CADM2: variants seen among roughly 807,000 people sequenced by gnomAD.
CADM2 encodes the protein immunoglobulin superfamily member 4D.
In CADM2, 12 loss-of-function variants were observed where a neutral mutation model predicts 49.8. The observed-to-expected ratio is 0.24, with a 90% CI of 0.15 to 0.39. The LOEUF is 0.39. CADM2 is among the 10% of genes least tolerant of loss of function. The pLI is 1.00. For missense variants in CADM2, 378 were observed against 492.3 expected, an observed-to-expected ratio of 0.77 and a Z score of 2.20; for synonymous variants, 214 against 175.4, an observed-to-expected ratio of 1.22 and a Z score of -1.74.
chr3:85,728,646 G>T (rs1436889877), intron 2 of CADM2, among the ~76,000 whole-genome samples: 2 of 152,012 alleles, frequency 1.3e-5, no homozygotes, highest in African/African-American at 4.8e-5. Flanking sequence ...TACTTACCAG[G>T]GAACCGAGAG....
At chr3:85,810,527 A>G (rs1278836780) in intron 3 of CADM2, among the ~76,000 whole-genome samples, 1 of 135,218 alleles carries the variant, frequency 7.4e-6, no homozygotes, top group Non-Finnish European at 1.6e-5. Flanking sequence ...TGCTCATAGA[A>G]TTCTGTTTTT....
At chr3:85,757,311 T>C (rs2069167792) in intron 2 of CADM2, among the ~76,000 whole-genome samples, 2 of 152,112 alleles carry the variant, frequency 1.3e-5, no homozygotes, top group African/African-American at 2.4e-5. Flanking sequence ...AATATTTTAA[T>C]TGAACACCTA....
chr3:86,033,343 T>C (rs2107168954), intron 8 of CADM2, among the ~76,000 whole-genome samples: 1 of 152,078 alleles, frequency 6.6e-6, no homozygotes, highest in Middle Eastern at 3.4e-3. Context: ...AAAGTCCTGT[T>C]GTAAGAGAAA....
At chr3:85,199,370 T>TGTGTGTGTGTGAGAGA (rs1553694531) in intron 1 of CADM2, among the ~76,000 whole-genome samples, 1 of 140,106 alleles carries the variant, frequency 7.1e-6, no homozygotes, top group African/African-American at 2.8e-5. Flanking sequence ...TGTGTGTGTA[T>TGTGTGTGTGTGAGAGA]GAGAGAGAGA....
intron 6 of CADM2, among the ~76,000 whole-genome samples, chr3:85,935,122 T>C (rs1239540166): frequency 6.6e-6 from 1 of 152,136 alleles, no homozygotes; most frequent in African/African-American, 2.4e-5. Context: ...GGATGATTTA[T>C]TGTTAAATGG....
intron 1 of CADM2, among the ~76,000 whole-genome samples, chr3:85,599,753 A>T (rs992801141): frequency 6.6e-6 from 1 of 152,128 alleles, no homozygotes; most frequent in South Asian, 2.1e-4. Context: ...TCTAGTAAAA[A>T]TAAATGTTCT....
intron 5 of CADM2, among the ~76,000 whole-genome samples, chr3:85,904,747 C>A (rs553193147): frequency 1.3e-5 from 2 of 152,200 alleles, no homozygotes; most frequent in African/African-American, 4.8e-5. Flanking sequence ...CATACTCATA[C>A]GTTTTCACGA....
intron 8 of CADM2, among the ~76,000 whole-genome samples, chr3:86,061,503 C>A (rs540807626): frequency 3.3e-5 from 5 of 152,238 alleles, no homozygotes; most frequent in African/African-American, 1.2e-4. Context: ...AGCCTCAAAT[C>A]ATAGACCACA....
intron 1 of CADM2, among the ~76,000 whole-genome samples, chr3:85,194,038 C>A (rs1198869672): frequency 2.0e-5 from 3 of 151,870 alleles, no homozygotes. Flanking sequence ...GGGATTTTAC[C>A]CAGGCAGGGA....
At chr3:85,451,324 A>G (rs2037737726) in intron 1 of CADM2, among the ~76,000 whole-genome samples, 1 of 152,144 alleles carries the variant, frequency 6.6e-6, no homozygotes, top group South Asian at 2.1e-4. Context: ...AAGCTAATTT[A>G]TATAATACTG....
chr3:85,830,819 T>A (rs1232337782), intron 3 of CADM2, among the ~76,000 whole-genome samples: 1 of 147,768 alleles, frequency 6.8e-6, no homozygotes. Context: ...ATTTATTTAT[T>A]TATTTATTTA....
chr3:85,558,841 C>A (rs975944102), intron 1 of CADM2, among the ~76,000 whole-genome samples: 3 of 152,060 alleles, frequency 2.0e-5, no homozygotes, highest in African/African-American at 7.2e-5. Context: ...CCAAAACAAT[C>A]ATGGAGAGAA....
chr3:85,644,251 G>C (rs542819411), intron 1 of CADM2, among the ~76,000 whole-genome samples: 2 of 152,272 alleles, frequency 1.3e-5, no homozygotes, highest in South Asian at 4.1e-4. Flanking sequence ...AAGAAAGAGA[G>C]AGAGGAAGAA....
Position 85,912,356 on chromosome 3 carries a change from T to G in CADM2, c.530-17T>G. On this transcript the variant is annotated splice_polypyrimidine_tract_variant and intron_variant, in intron 5 of 9. Coordinates refer to ENST00000383699, the MANE Select transcript of CADM2 (RefSeq NM_001167675.2). ...TTTGAAAGGTGTCACATTTTAAAAT[T>G]CATATTTTATTTTCAGATGTAAAAT... The G allele has an allele frequency of 6.3e-7, 1 of 1,580,338 alleles. No homozygotes were observed. Among genetic ancestry groups the G allele is most frequent in the Non-Finnish European group, 8.6e-7 (1 of 1,158,026 alleles).
At chr3:85,586,120 G>T (rs944790327) in intron 1 of CADM2, among the ~76,000 whole-genome samples, 5 of 151,904 alleles carry the variant, frequency 3.3e-5, no homozygotes, top group Admixed American at 1.3e-4. Flanking sequence ...CATTTGTCCG[G>T]TTTTTTACCT....
At chr3:85,946,533 G>A (rs1169998598) in intron 7 of CADM2, among the ~76,000 whole-genome samples, 3 of 152,120 alleles carry the variant, frequency 2.0e-5, no homozygotes, top group South Asian at 4.1e-4. Flanking sequence ...ATACTACAAA[G>A]CTACAGTAAC....
At chr3:86,059,449 A>T (rs762184140) in intron 8 of CADM2, among the ~76,000 whole-genome samples, 1 of 152,182 alleles carries the variant, frequency 6.6e-6, no homozygotes, top group Non-Finnish European at 1.5e-5. Flanking sequence ...GAAAGTTGTT[A>T]AGTTCAGAAA....
chr3:85,632,418 T>C (rs1225694982), intron 1 of CADM2, among the ~76,000 whole-genome samples: 4 of 152,020 alleles, frequency 2.6e-5, no homozygotes, highest in African/African-American at 9.7e-5. Flanking sequence ...TTAAATAAAT[T>C]AGGCAAAATA....
At chr3:85,623,091 A>G (rs1221710750) in intron 1 of CADM2, among the ~76,000 whole-genome samples, 1 of 152,116 alleles carries the variant, frequency 6.6e-6, no homozygotes, top group Non-Finnish European at 1.5e-5. Context: ...TACTCCAAGG[A>G]CAAAGAAGCC....
Sources: allele counts gnomAD v4.1 joint callset (sites outside exome capture counted in the v4.1 genomes callset), GRCh38; gene constraint gnomAD v4.1.1; transcripts MANE v1.5; gene names NCBI Gene and HGNC (gene_info 2026-07-23, HGNC 2026-07-21).